Variants in TAFA4 observed in about 807,000 individuals in gnomAD.
The protein encoded by TAFA4 is chemokine-like protein TAFA-4.
Under a neutral mutation model 21.1 loss-of-function variants are expected in TAFA4, and 20 were observed. The observed-to-expected ratio is 0.95, with a 90% CI of 0.67 to 1.38. The LOEUF is 1.38. Among genes scored for constraint, TAFA4 ranks in the 40% most tolerant of loss-of-function variants. The pLI is 0.00. For missense variants in TAFA4, 211 were observed against 180.9 expected (o/e 1.17, Z -0.95); for synonymous variants, 71 against 67.4 (o/e 1.05, Z -0.26).
chr3:68,813,124 C>T (rs549250579), intron 3 of TAFA4, among the ~76,000 whole-genome samples: 5 of 151,912 alleles, frequency 3.3e-5, no homozygotes, highest in South Asian at 2.1e-4. Flanking sequence ...TCTTTGAAAC[C>T]GACGAGAACA....
At chr3:68,869,913 C>A (rs1034550527) in intron 3 of TAFA4, among the ~76,000 whole-genome samples, 3 of 151,900 alleles carry the variant, frequency 2.0e-5, no homozygotes, top group Non-Finnish European at 4.4e-5. Flanking sequence ...AGGAAGAAGA[C>A]AAATCATTCT....
At chr3:68,779,037 G>T (rs1337708203) in intron 3 of TAFA4, among the ~76,000 whole-genome samples, 1 of 152,158 alleles carries the variant, frequency 6.6e-6, no homozygotes, top group Non-Finnish European at 1.5e-5. Context: ...AGGTTGAGGT[G>T]GTCTCAGATG....
chr3:68,800,342 T>G (rs375509533), intron 3 of TAFA4, among the ~76,000 whole-genome samples: 1 of 152,112 alleles, frequency 6.6e-6, no homozygotes, highest in Non-Finnish European at 1.5e-5. Context: ...TTGTGTTGTT[T>G]TGAGCAACTC....
chr3:68,780,320 GA>G (rs1334252934), intron 3 of TAFA4, among the ~76,000 whole-genome samples: 1 of 152,210 alleles, frequency 6.6e-6, no homozygotes, highest in Non-Finnish European at 1.5e-5. Context: ...AGACTATTGG[GA>G]AGGCATGATT....
intron 3 of TAFA4, among the ~76,000 whole-genome samples, chr3:68,837,509 C>T (rs1168423200): frequency 1.3e-5 from 2 of 152,096 alleles, no homozygotes; most frequent in African/African-American, 4.8e-5. Flanking sequence ...ACTTAGTAAA[C>T]ATCAGAATCA....
intron 1 of TAFA4, among the ~76,000 whole-genome samples, chr3:68,902,549 G>C (rs959289198): frequency 6.6e-6 from 1 of 151,968 alleles, no homozygotes; most frequent in Non-Finnish European, 1.5e-5. Flanking sequence ...TGCATTTTTT[G>C]TAAAGACATG....
chr3:68,803,471 A>G (rs1703618843), intron 3 of TAFA4, among the ~76,000 whole-genome samples: 1 of 152,156 alleles, frequency 6.6e-6, no homozygotes, highest in Non-Finnish European at 1.5e-5. Flanking sequence ...TTCAAGGGAC[A>G]TGATGAAAGC....
At chr3:68,845,812 A>G (rs9868159) in intron 3 of TAFA4, among the ~76,000 whole-genome samples, 2,023 of 152,250 alleles carry the variant, frequency 0.013, 44 homozygotes, top group African/African-American at 0.046. Context: ...TTCTGGGTTG[A>G]AAATTCTTTT....
intron 3 of TAFA4, among the ~76,000 whole-genome samples, chr3:68,833,747 A>G (rs988226195): frequency 6.6e-6 from 1 of 152,178 alleles, no homozygotes. Context: ...ACTTTCATGG[A>G]TAAGTTTTAA....
intron 3 of TAFA4, among the ~76,000 whole-genome samples, chr3:68,803,912 C>A (rs955208902): frequency 3.6e-5 from 5 of 139,348 alleles, no homozygotes; most frequent in African/African-American, 5.4e-5. Flanking sequence ...TCAAGTGATT[C>A]TCTTGCCTGG....
chr3:68,849,951 T>C (rs182240824), intron 3 of TAFA4, among the ~76,000 whole-genome samples: 1 of 152,328 alleles, frequency 6.6e-6, no homozygotes, highest in East Asian at 1.9e-4. Flanking sequence ...AGTAAAACTG[T>C]ATAAATTTGA....
intron 1 of TAFA4, among the ~76,000 whole-genome samples, chr3:68,922,124 T>C (rs1271999146): frequency 6.6e-6 from 1 of 152,220 alleles, no homozygotes; most frequent in Admixed American, 6.5e-5. Context: ...ACAACCTTAT[T>C]TTTATAAAAA....
chr3:68,810,344 G>A (rs955933170), intron 3 of TAFA4, among the ~76,000 whole-genome samples: 21 of 152,114 alleles, frequency 1.4e-4, no homozygotes, highest in African/African-American at 2.9e-4. Flanking sequence ...TGGATGCAGC[G>A]CACCAAGCAT....
intron 3 of TAFA4, among the ~76,000 whole-genome samples, chr3:68,759,982 C>T (rs1425864574): frequency 6.6e-6 from 1 of 152,112 alleles, no homozygotes; most frequent in Non-Finnish European, 1.5e-5. Context: ...CTCTTTGAGA[C>T]ATATTTTTTA....
At chr3:68,788,062 G>T (rs998976168) in intron 3 of TAFA4, among the ~76,000 whole-genome samples, 5 of 152,166 alleles carry the variant, frequency 3.3e-5, no homozygotes, top group Admixed American at 2.6e-4. Flanking sequence ...GTATTTGAGG[G>T]TTTTGATCCA....
chr3:68,741,654 G>C (rs563559471), intron 4 of TAFA4, among the ~76,000 whole-genome samples: 136 of 152,138 alleles, frequency 8.9e-4, no homozygotes, highest in African/African-American at 3.1e-3. Flanking sequence ...AGCCAGGCGT[G>C]GTGGCCGGTG....
intron 3 of TAFA4, among the ~76,000 whole-genome samples, chr3:68,862,045 T>A (rs2089351891): frequency 6.6e-6 from 1 of 152,016 alleles, no homozygotes; most frequent in South Asian, 2.1e-4. Flanking sequence ...TTCAGCCACA[T>A]AGGTAAGCTG....
intron 3 of TAFA4, among the ~76,000 whole-genome samples, chr3:68,789,506 A>G (rs1703324321): frequency 6.6e-6 from 1 of 152,194 alleles, no homozygotes; most frequent in Non-Finnish European, 1.5e-5. Context: ...ATGTATATGT[A>G]TATCAAAATA....
At chr3:68,762,616 C>G (rs893927572) in intron 3 of TAFA4, among the ~76,000 whole-genome samples, 1 of 152,162 alleles carries the variant, frequency 6.6e-6, no homozygotes, top group Admixed American at 6.5e-5. Flanking sequence ...GTATGCCTTG[C>G]CCACATAAAA....
Sources: gnomAD v4.1 joint callset for allele counts (sites outside exome capture counted in the v4.1 genomes callset) on GRCh38, gnomAD v4.1.1 for gene constraint, MANE v1.5 for transcripts, NCBI Gene and HGNC (gene_info 2026-07-23, HGNC 2026-07-21) for gene names.